Variants in PIWIL1 observed in about 807,000 individuals in gnomAD.
PIWIL1 encodes piwi like RNA-mediated gene silencing 1, also known as piwi-like protein 1.
A neutral mutation model predicts 114.4 loss-of-function variants in PIWIL1; 73 were observed. The observed-to-expected ratio is 0.64, with a 90% CI of 0.53 to 0.78. The LOEUF (loss-of-function observed/expected upper bound fraction) is 0.78. Among genes scored for constraint, PIWIL1 ranks in the 30% least tolerant of loss-of-function variants. The pLI, the probability that PIWIL1 is intolerant of heterozygous loss-of-function variation, is 0.00. For synonymous variants in PIWIL1, 375 were observed against 369.0 expected (o/e 1.02, Z -0.19); for missense variants, 723 against 1,063.1 (o/e 0.68, Z 4.45).
At chr12:130,401,213 T>G in the PIWIL1 span, among the ~76,000 whole-genome samples, 1 of 152,022 alleles carries the variant, frequency 6.6e-6, no homozygotes, top group African/African-American at 2.4e-5. Context: ...CCTCCCGGGT[T>G]CAAGCAATTC....
At chr12:130,386,409 C>G in the PIWIL1 span, among the ~76,000 whole-genome samples, 3 of 66,318 alleles carry the variant, frequency 4.5e-5, no homozygotes, top group South Asian at 1.1e-3. Flanking sequence ...TGCACACCAC[C>G]CCTTCCTGTC....
At chr12:130,366,261 T>G (rs756432676) in intron 18 of PIWIL1, among the ~76,000 whole-genome samples, 4 of 152,154 alleles carry the variant, frequency 2.6e-5, no homozygotes, top group Non-Finnish European at 5.9e-5. Context: ...TGTGTACAAG[T>G]GTGGCTGCTT....
At chr12:130,422,081 G>A in the PIWIL1 span, among the ~76,000 whole-genome samples, 5 of 152,278 alleles carry the variant, frequency 3.3e-5, no homozygotes, top group South Asian at 8.3e-4. The surrounding 1 kb of genome is among the most constrained non-coding windows in gnomAD (Gnocchi z 5.2). Context: ...GGGGCTCACA[G>A]ACCCCTGAGG....
chr12:130,341,202 C>T (rs1248611750), intron 1 of PIWIL1, among the ~76,000 whole-genome samples: 9 of 152,228 alleles, frequency 5.9e-5, no homozygotes, highest in Admixed American at 5.9e-4. Flanking sequence ...TCCCTGCCCA[C>T]ATGAAATCCT....
chr12:130,346,995 A>T lies in PIWIL1; in HGVS notation c.586A>T (p.Thr196Ser), dbSNP rs775303864. 1 of 1,613,910 alleles carries T rather than the reference A, an allele frequency of 6.2e-7. No individual in the cohort carries two copies. The highest frequency in any genetic ancestry group is 2.2e-5 in the East Asian group (1 of 44,866). Reference protein sequence around the residue: ...RNGEDVRITITLTNELPPTSP... With the variant: ...RNGEDVRITISLTNELPPTSP... ...TGGAGAGGATGTGAGGATAACGATC[A>T]CTTTAACAAATGAACTTCCACCTAC... The change falls in exon 6 of 21, where the codon ACT (threonine) becomes TCT (serine). Residue 196 changes from threonine (T) to serine (S), a missense_variant. Physicochemically the swap from Thr to Ser is moderately conservative, Grantham distance 58. Coordinates refer to ENST00000245255, the MANE Select transcript of PIWIL1 (RefSeq NM_004764.5).
At chr12:130,405,786 T>TG in the PIWIL1 span, among the ~76,000 whole-genome samples, 6 of 151,862 alleles carry the variant, frequency 4.0e-5, no homozygotes, top group African/African-American at 1.5e-4. Context: ...TGTTTTGTTT[T>TG]TGCTTATTTG....
At chr12:130,414,139 C>T in the PIWIL1 span, 1 of 1,614,170 alleles carries the variant, frequency 6.2e-7, no homozygotes, top group Admixed American at 1.7e-5. Context: ...ATGATCTGGC[C>T]TTCTTTAAAG....
the PIWIL1 span, among the ~76,000 whole-genome samples, chr12:130,388,409 T>A: frequency 6.6e-6 from 1 of 152,258 alleles, no homozygotes; most frequent in Non-Finnish European, 1.5e-5. Context: ...TTAATTACTA[T>A]ACTTACCTAC....
chr12:130,349,477 T>C, intron 8 of PIWIL1, 41 bp downstream of exon 8: 1 of 1,355,060 alleles, frequency 7.4e-7, no homozygotes, highest in Non-Finnish European at 1.0e-6. Flanking sequence ...TTTTTGTGAG[T>C]CAAAGTATTG....
the PIWIL1 span, chr12:130,414,366 G>T: frequency 1.3e-6 from 2 of 1,481,926 alleles, no homozygotes; most frequent in South Asian, 1.4e-5. Flanking sequence ...GAGCGTGCAC[G>T]GGAAATGCAG....
chr12:130,355,469 G>A, intron 11 of PIWIL1, 84 bp from the exon 12 acceptor site: 1 of 1,020,948 alleles, frequency 9.8e-7, no homozygotes, highest in Admixed American at 1.7e-5. Flanking sequence ...GGAGTGTGTT[G>A]TAGGCTGGAG....
chr12:130,423,319 G>A, the PIWIL1 span, among the ~76,000 whole-genome samples: 1 of 152,212 alleles, frequency 6.6e-6, no homozygotes, highest in Non-Finnish European at 1.5e-5. Flanking sequence ...GGGAGGCTGC[G>A]GGCTGCCGTG....
At chr12:130,399,877 G>T in the PIWIL1 span, 3 of 1,572,386 alleles carry the variant, frequency 1.9e-6, no homozygotes, top group East Asian at 6.7e-5. Context: ...TCTTGCTTTG[G>T]CTAAAGGAAT....
chr12:130,345,054 G>T (rs2073035763), intron 3 of PIWIL1, among the ~76,000 whole-genome samples: 1 of 152,034 alleles, frequency 6.6e-6, no homozygotes, highest in South Asian at 2.1e-4. Context: ...TTTGTTTTTT[G>T]GCTCACATCA....
the PIWIL1 span, among the ~76,000 whole-genome samples, chr12:130,390,785 T>C: frequency 6.6e-6 from 1 of 152,188 alleles, no homozygotes; most frequent in Non-Finnish European, 1.5e-5. Context: ...TGTTGTTTTC[T>C]TTCTCTCCTC....
intron 3 of PIWIL1, 39 bp downstream of exon 3, chr12:130,343,140 C>A: frequency 7.3e-7 from 1 of 1,361,954 alleles, no homozygotes; most frequent in Non-Finnish European, 1.0e-6. Flanking sequence ...CAACTCTGTT[C>A]AACATATACA....
the PIWIL1 span, chr12:130,414,102 G>T: frequency 1.9e-6 from 3 of 1,613,128 alleles, no homozygotes; most frequent in Admixed American, 3.3e-5. Context: ...TGATGAAGCC[G>T]CCCGCAGGCA....
chr12:130,393,142 CCGG>C, the PIWIL1 span, among the ~76,000 whole-genome samples: 24 of 149,874 alleles, frequency 1.6e-4, no homozygotes, highest in Middle Eastern at 3.7e-3. Flanking sequence ...TTGTGATGAC[CCGG>C]TCACCATCAT....
chr12:130,424,375 G>A, the PIWIL1 span: 49 of 1,232,714 alleles, frequency 4.0e-5, no homozygotes, highest in African/African-American at 2.3e-4. This position sits in a 1 kb window ranked among gnomAD's most constrained non-coding sequence, Gnocchi z 9.8. Flanking sequence ...CTGCTCTGCC[G>A]GGTCAGCGTC....
Sources: gnomAD v4.1 joint callset for allele counts (sites outside exome capture counted in the v4.1 genomes callset) on GRCh38, gnomAD v4.1.1 for gene constraint, Gnocchi (gnomAD v3.1) non-coding constraint, MANE v1.5 for transcripts, NCBI Gene and HGNC (gene_info 2026-07-23, HGNC 2026-07-21) for gene names.